ANKS1B: variants seen among roughly 807,000 people sequenced by gnomAD.
ANKS1B encodes the protein ankyrin repeat and sterile alpha motif domain containing 1B, also known as ankyrin repeat and sterile alpha motif domain-containing protein 1B.
ANKS1B carries 36 observed loss-of-function variants against 148.3 expected under a neutral mutation model. The observed-to-expected ratio is 0.24, with a 90% confidence interval of 0.19 to 0.32. The LOEUF is 0.32. Ranked by LOEUF, ANKS1B falls within the 10% of genes least tolerant of loss-of-function variation. ANKS1B has a pLI of 1.00. For missense variants in ANKS1B, 1,157 were observed against 1,542.6 expected (o/e 0.75, Z 4.19); for synonymous variants, 542 against 560.8 (o/e 0.97, Z 0.47).
intron 8 of ANKS1B, among the ~76,000 whole-genome samples, chr12:99,730,775 C>T (rs968806145): frequency 1.3e-5 from 2 of 152,142 alleles, no homozygotes; most frequent in African/African-American, 4.8e-5. Flanking sequence ...GAAAGGGTCT[C>T]AGTTCCCCAT....
chr12:98,768,848 G>A (rs912494072), intron 25 of ANKS1B, among the ~76,000 whole-genome samples: 2 of 151,304 alleles, frequency 1.3e-5, no homozygotes, highest in African/African-American at 2.4e-5. Context: ...CCCATAGTAC[G>A]TAAACTATGT....
intron 17 of ANKS1B, among the ~76,000 whole-genome samples, chr12:99,023,165 A>G (rs1170210571): frequency 6.6e-6 from 1 of 151,908 alleles, no homozygotes; most frequent in Non-Finnish European, 1.5e-5. Context: ...TATCACTGTT[A>G]TTGGTTATTT....
chr12:98,783,173 A>C (rs948965448), intron 22 of ANKS1B, among the ~76,000 whole-genome samples: 2 of 152,232 alleles, frequency 1.3e-5, no homozygotes, highest in Admixed American at 6.5e-5. Flanking sequence ...TCAGATGAAA[A>C]TCTATTCGTT....
chr12:99,136,305 G>A (rs1426046042), intron 15 of ANKS1B, among the ~76,000 whole-genome samples: 1 of 152,100 alleles, frequency 6.6e-6, no homozygotes, highest in African/African-American at 2.4e-5. Context: ...TGCAAGCTTG[G>A]ATGCTGAGGA....
chr12:98,969,616 A>G (rs1442770337), intron 17 of ANKS1B, among the ~76,000 whole-genome samples: 1 of 152,232 alleles, frequency 6.6e-6, no homozygotes, highest in Non-Finnish European at 1.5e-5. Context: ...TTATCAGAAA[A>G]CAAATACCAC....
intron 9 of ANKS1B, among the ~76,000 whole-genome samples, chr12:99,631,077 G>A (rs192597301): frequency 2.6e-5 from 4 of 151,952 alleles, no homozygotes; most frequent in South Asian, 2.1e-4. Flanking sequence ...CTCCTCATTC[G>A]CCCTCCACCT....
At chr12:99,378,210 C>G (rs945712240) in intron 12 of ANKS1B, among the ~76,000 whole-genome samples, 1 of 152,176 alleles carries the variant, frequency 6.6e-6, no homozygotes, top group Non-Finnish European at 1.5e-5. Flanking sequence ...AAGGAAGTGT[C>G]TTTCATCAGA....
intron 14 of ANKS1B, among the ~76,000 whole-genome samples, chr12:99,173,137 A>T (rs921171252): frequency 6.6e-6 from 1 of 152,196 alleles, no homozygotes; most frequent in Non-Finnish European, 1.5e-5. Flanking sequence ...TGAACACAGA[A>T]GAGGCACTGA....
At chr12:99,830,613 G>C (rs1359985079) in intron 1 of ANKS1B, among the ~76,000 whole-genome samples, 3 of 145,782 alleles carry the variant, frequency 2.1e-5, no homozygotes, top group African/African-American at 7.7e-5. Context: ...CATACATATA[G>C]GAATAAAGCT....
chr12:98,738,199 C>T (rs750351678), intron 9 of ANKS1B, among the ~76,000 whole-genome samples: 2 of 152,234 alleles, frequency 1.3e-5, no homozygotes, highest in Middle Eastern at 3.4e-3. Context: ...TGTGAGAAAA[C>T]CAGAATTTGG....
At chr12:99,383,617 A>G (rs2093732924) in intron 12 of ANKS1B, among the ~76,000 whole-genome samples, 1 of 152,014 alleles carries the variant, frequency 6.6e-6, no homozygotes, top group Admixed American at 6.5e-5. Context: ...ACCTCCCTTT[A>G]CAGGTCTTCC....
At chr12:99,832,558 T>C (rs150217425) in intron 1 of ANKS1B, among the ~76,000 whole-genome samples, 306 of 151,930 alleles carry the variant, frequency 2.0e-3, no homozygotes, top group African/African-American at 7.1e-3. Flanking sequence ...AAAAACACTT[T>C]ACTCAAAATA....
rs149456042 is a variant in ANKS1B at position 99,689,881 on chromosome 12, T to C, written c.1129-34671A>G. The stretch of plus-strand genomic sequence containing the variant: ...ACCACAGTCTTAAAAGACAACTTGA[T>C]TGCAGCCTTGTGAGACCATGTACAG... On this transcript the variant is annotated intron_variant, in intron 8 of 26. Coordinates refer to ENST00000683438, the MANE Select transcript of ANKS1B (RefSeq NM_001352186.2). Among the ~76,000 whole-genome samples, 251 of 152,286 alleles carry C rather than the reference T, an allele frequency of 1.6e-3. 1 individual carries two copies. The highest frequency in any genetic ancestry group is 5.8e-3 in the African/African-American group (239 of 41,554).
At chr12:99,753,284 A>G (rs1471755446) in intron 8 of ANKS1B, among the ~76,000 whole-genome samples, 1 of 152,170 alleles carries the variant, frequency 6.6e-6, no homozygotes, top group African/African-American at 2.4e-5. Flanking sequence ...AGAGAATGAA[A>G]CAATGAGCAA....
chr12:99,259,890 G>A (rs2075738008), intron 12 of ANKS1B, among the ~76,000 whole-genome samples: 1 of 152,204 alleles, frequency 6.6e-6, no homozygotes, highest in South Asian at 2.1e-4. Context: ...ATTTCAAAGA[G>A]AGTTCTGTGC....
At chr12:98,935,633 G>A (rs1280810651) in intron 17 of ANKS1B, among the ~76,000 whole-genome samples, 3 of 152,164 alleles carry the variant, frequency 2.0e-5, no homozygotes, top group African/African-American at 7.2e-5. Context: ...AGGTTTTTAT[G>A]ATAGACAGTC....
At chr12:99,721,596 T>C (rs1364096214) in intron 8 of ANKS1B, among the ~76,000 whole-genome samples, 3 of 152,120 alleles carry the variant, frequency 2.0e-5, no homozygotes, top group South Asian at 2.1e-4. Context: ...CCTTTACCTA[T>C]CCAAATCTTA....
chr12:98,898,271 C>T (rs2099767592), intron 17 of ANKS1B, among the ~76,000 whole-genome samples: 1 of 152,064 alleles, frequency 6.6e-6, no homozygotes, highest in South Asian at 2.1e-4. Flanking sequence ...TTCATCATGG[C>T]ACTAATGAAA....
chr12:99,703,609 G>A (rs2055229749), intron 8 of ANKS1B, among the ~76,000 whole-genome samples: 1 of 152,026 alleles, frequency 6.6e-6, no homozygotes, highest in African/African-American at 2.4e-5. Context: ...CTCAGACACT[G>A]CTTTTGTGAA....
Sources: allele counts gnomAD v4.1 joint callset (sites outside exome capture counted in the v4.1 genomes callset), GRCh38; gene constraint gnomAD v4.1.1; transcripts MANE v1.5; gene names NCBI Gene and HGNC (gene_info 2026-07-23, HGNC 2026-07-21).